Variants in PLCB4 observed in about 807,000 individuals in gnomAD.
The protein encoded by PLCB4 is phospholipase C beta 4, also known as 1-phosphatidylinositol 4,5-bisphosphate phosphodiesterase beta-4.
A neutral mutation model predicts 178.8 loss-of-function variants in PLCB4; 77 were observed. The observed-to-expected ratio is 0.43, with a 90% CI of 0.36 to 0.52. The LOEUF (loss-of-function observed/expected upper bound fraction) is 0.52. Among genes scored for constraint, PLCB4 ranks in the 20% least tolerant of loss-of-function variants. The probability of loss-of-function intolerance (pLI) is 0.00; values close to 1 mark genes in which losing one functional copy is unlikely to be tolerated. For missense variants in PLCB4, 1,024 were observed against 1,453.4 expected (o/e 0.70, Z 4.80); for synonymous variants, 496 against 490.8 (o/e 1.01, Z -0.14).
chr20:9,274,442 C>T (rs569699107), intron 3 of PLCB4, among the ~76,000 whole-genome samples: 143 of 152,178 alleles, frequency 9.4e-4, no homozygotes, highest in African/African-American at 3.2e-3. Flanking sequence ...TCTTAATGGG[C>T]ACCATACTCC....
chr20:9,462,025 A>G (rs926913524), intron 35 of PLCB4, among the ~76,000 whole-genome samples: 2 of 152,084 alleles, frequency 1.3e-5, no homozygotes, highest in Non-Finnish European at 2.9e-5. Flanking sequence ...GACACCTCAT[A>G]TAGGTGGGTG....
chr20:9,175,581 G>A (rs1358549739), intron 2 of PLCB4, among the ~76,000 whole-genome samples: 1 of 152,132 alleles, frequency 6.6e-6, no homozygotes, highest in African/African-American at 2.4e-5. Flanking sequence ...ATGCTGGAGT[G>A]CACCAATTTA....
chr20:9,187,098 C>T (rs538057683), intron 2 of PLCB4, among the ~76,000 whole-genome samples: 1 of 152,014 alleles, frequency 6.6e-6, no homozygotes, highest in Non-Finnish European at 1.5e-5. Context: ...CCTCAGCCTC[C>T]CTGAGGGATT....
intron 35 of PLCB4, among the ~76,000 whole-genome samples, chr20:9,465,462 G>A (rs1015242361): frequency 1.3e-5 from 2 of 152,112 alleles, no homozygotes; most frequent in African/African-American, 4.8e-5. Flanking sequence ...AGAAATAAAG[G>A]GTATTCATTT....
chr20:9,479,220 T>G lies in PLCB4; in HGVS notation c.*211T>G, dbSNP rs1603139023. ...AAAATAGCTACAAATCCACAAAAATTTACTATTCCAGTAAGGCAGAGTCCA... is the reference window on the plus strand; with the variant it reads ...AAAATAGCTACAAATCCACAAAAATGTACTATTCCAGTAAGGCAGAGTCCA... On this transcript the variant is annotated 3_prime_UTR_variant, in exon 40 of 40. Coordinates refer to ENST00000378473, the MANE Select transcript of PLCB4 (RefSeq NM_001377142.1). 29 of 560,964 alleles carry G rather than the reference T, an allele frequency of 5.2e-5. No individual in the cohort carries two copies. In the South Asian group the frequency reaches 5.6e-4, roughly 11 times the overall value. The allele number at this position is 560,964 out of a possible 1,614,324, so 34.7% of individuals were successfully genotyped here.
At chr20:9,189,956 G>T (rs1183991833) in intron 2 of PLCB4, among the ~76,000 whole-genome samples, 1 of 152,112 alleles carries the variant, frequency 6.6e-6, no homozygotes, top group Non-Finnish European at 1.5e-5. Context: ...AAACCATAGA[G>T]CACACCTTCT....
intron 1 of PLCB4, among the ~76,000 whole-genome samples, chr20:9,093,982 A>C (rs540483787): frequency 3.9e-5 from 6 of 152,150 alleles, no homozygotes; most frequent in Non-Finnish European, 8.8e-5. Flanking sequence ...TAGGATAAGC[A>C]GGTAGCAGAT....
At chr20:9,428,024 C>T (rs1043349492) in intron 28 of PLCB4, among the ~76,000 whole-genome samples, 1 of 152,244 alleles carries the variant, frequency 6.6e-6, no homozygotes, top group African/African-American at 2.4e-5. Context: ...TCCACCTTCC[C>T]TATGATTAAA....
intron 7 of PLCB4, among the ~76,000 whole-genome samples, chr20:9,343,635 T>C (rs1194522287): frequency 6.6e-6 from 1 of 152,188 alleles, no homozygotes; most frequent in African/African-American, 2.4e-5. Flanking sequence ...GCTTTGAGAG[T>C]AAATACGTTT....
intron 3 of PLCB4, among the ~76,000 whole-genome samples, chr20:9,257,887 A>T (rs185112832): frequency 7.2e-5 from 11 of 152,380 alleles, no homozygotes; most frequent in African/African-American, 2.6e-4. Flanking sequence ...ACAGACTCCT[A>T]TGAAAAGGAG....
At chr20:9,421,540 G>T in intron 27 of PLCB4, 79 bp downstream of exon 27, 1 of 1,111,840 alleles carries the variant, frequency 9.0e-7, no homozygotes, top group East Asian at 2.4e-5. Flanking sequence ...ACACGATACA[G>T]GGGCACTTAT....
At chr20:9,147,068 G>A (rs566228782) in intron 2 of PLCB4, among the ~76,000 whole-genome samples, 34 of 152,216 alleles carry the variant, frequency 2.2e-4, no homozygotes, top group Non-Finnish European at 4.4e-4. Flanking sequence ...AATAAAAGAC[G>A]TGGCCTGATT....
intron 1 of PLCB4, among the ~76,000 whole-genome samples, chr20:9,086,467 G>A (rs889206238): frequency 9.2e-5 from 14 of 152,150 alleles, no homozygotes; most frequent in African/African-American, 2.9e-4. Flanking sequence ...CATTGACCTC[G>A]TCCTCCTTAT....
chr20:9,160,282 G>C (rs767727596), intron 2 of PLCB4, among the ~76,000 whole-genome samples: 11 of 152,270 alleles, frequency 7.2e-5, no homozygotes, highest in Admixed American at 2.0e-4. Context: ...ACCAGAGCTC[G>C]TTAGAAGTGT....
intron 7 of PLCB4, among the ~76,000 whole-genome samples, chr20:9,344,742 G>A (rs1217624842): frequency 6.6e-6 from 1 of 152,182 alleles, no homozygotes; most frequent in South Asian, 2.1e-4. Context: ...GGATGTAATA[G>A]CGCTGCTGCT....
At chr20:9,095,221 A>G (rs2090856443) in intron 1 of PLCB4, among the ~76,000 whole-genome samples, 1 of 152,232 alleles carries the variant, frequency 6.6e-6, no homozygotes, top group South Asian at 2.1e-4. Flanking sequence ...AAGGATTTTT[A>G]TTCTGAAGTG....
At chr20:9,435,243 C>T (rs531075109) in intron 28 of PLCB4, among the ~76,000 whole-genome samples, 1 of 152,360 alleles carries the variant, frequency 6.6e-6, no homozygotes, top group Non-Finnish European at 1.5e-5. Flanking sequence ...GAAAGTCACA[C>T]ACAAGTGAAG....
intron 2 of PLCB4, among the ~76,000 whole-genome samples, chr20:9,111,787 T>C (rs953986215): frequency 1.3e-5 from 2 of 152,238 alleles, no homozygotes; most frequent in Admixed American, 6.5e-5. Flanking sequence ...TTGAGACGAA[T>C]GGCCTGCTCC....
intron 3 of PLCB4, among the ~76,000 whole-genome samples, chr20:9,277,231 A>G (rs1764380281): frequency 6.6e-6 from 1 of 152,108 alleles, no homozygotes; most frequent in South Asian, 2.1e-4. Context: ...AGAAAGGACT[A>G]CTTAGCAACA....
Sources: allele counts gnomAD v4.1 joint callset (sites outside exome capture counted in the v4.1 genomes callset), GRCh38; gene constraint gnomAD v4.1.1; transcripts MANE v1.5; gene names NCBI Gene and HGNC (gene_info 2026-07-23, HGNC 2026-07-21).